The following RB1 variants were observed in gnomAD, a reference collection of about 807,000 sequenced individuals.
RB1 encodes the protein RB transcriptional corepressor 1, also known as retinoblastoma-associated protein.
Under a neutral mutation model 135.4 loss-of-function variants are expected in RB1, and 18 were observed. That is an observed-to-expected ratio of 0.13 (90% CI 0.09 to 0.20). RB1 has a LOEUF of 0.20. RB1 is among the 10% of genes least tolerant of loss of function. The pLI is 1.00. For missense variants in RB1, 868 were observed against 1,110.0 expected (o/e 0.78, Z 3.10); for synonymous variants, 365 against 373.2 (o/e 0.98, Z 0.25).
In RB1 at chr13:48,473,369, A is replaced by G. The variant is rs547398431; in HGVS notation, c.2499A>G (p.Val833=). The G allele has an allele frequency of 1.3e-6, 2 of 1,572,318 alleles. No homozygotes were observed. The highest frequency in any genetic ancestry group is 4.5e-5 in the East Asian group (2 of 44,502). Residue 833 remains valine, a synonymous_variant, in exon 24 of 27, where the codon GTA becomes GTG. Coordinates refer to ENST00000267163, the MANE Select transcript of RB1 (RefSeq NM_000321.3). ...TKMTPRSRIL[V]SIGESFGTSE... is the part of the protein sequence containing the mutation. ...CATCTTAACTTGACAGAATCTTAGTATCAATTGGTGAATCATTCGGGGTGA... is the reference window on the plus strand; with the variant it reads ...CATCTTAACTTGACAGAATCTTAGTGTCAATTGGTGAATCATTCGGGGTGA...
chr13:48,443,894 G>A (rs1949262065), intron 17 of RB1, among the ~76,000 whole-genome samples: 1 of 152,078 alleles, frequency 6.6e-6, no homozygotes, highest in Non-Finnish European at 1.5e-5. Flanking sequence ...AGAACATAGT[G>A]ATGTGTAGGA....
chr13:48,360,139 A>G lies in RB1; in HGVS notation c.718+12A>G, dbSNP rs535040007. The stretch of plus-strand genomic sequence containing the variant: ...CAAAGAACCATATAGTAAGTATTTA[A>G]TTTATGCCCCTTTTACTTTCTCATT... On this transcript the variant is annotated intron_variant, in intron 7 of 26. Coordinates refer to ENST00000267163, the MANE Select transcript of RB1 (RefSeq NM_000321.3). The G allele has an allele frequency of 8.7e-5, 140 of 1,611,992 alleles. 1 individual carries two copies. In the South Asian group the frequency reaches 1.5e-3, roughly 17 times the overall value.
intron 2 of RB1, among the ~76,000 whole-genome samples, chr13:48,315,043 A>AT (rs113924372): frequency 0.04 from 6,016 of 150,544 alleles, 163 homozygotes; most frequent in Non-Finnish European, 0.059. Context: ...TTTAAAATAG[A>AT]TTTTTTTTTT....
chr13:48,319,865 C>A lies in RB1; in HGVS notation c.264+12459C>A. On this transcript the variant is annotated intron_variant, in intron 2 of 26. Transcript: ENST00000267163. This position sits in a 1 kb window ranked among gnomAD's most constrained non-coding sequence, Gnocchi z 5.0. ...CTCGCTCTGACCGGGAAGGCAGAAC[C>A]CTAGTCCTCACTGGATCTCACCTGG... The A allele has an allele frequency of 5.9e-6, 2 of 340,840 alleles. No individual in the cohort carries two copies. Among genetic ancestry groups the A allele is most frequent in the South Asian group, 3.4e-5 (1 of 29,578 alleles). The allele number at this position is 340,840 out of a possible 1,614,324, so 21.1% of individuals were successfully genotyped here.
intron 2 of RB1, among the ~76,000 whole-genome samples, chr13:48,339,203 C>T (rs1013857407): frequency 5.9e-5 from 9 of 152,208 alleles, no homozygotes; most frequent in African/African-American, 2.2e-4. Flanking sequence ...TCAAAGCTGT[C>T]AGACAGGGAC....
chr13:48,413,764 T>C (rs1948859015), intron 17 of RB1, among the ~76,000 whole-genome samples: 1 of 152,178 alleles, frequency 6.6e-6, no homozygotes, highest in Non-Finnish European at 1.5e-5. Flanking sequence ...AAGAACAAAC[T>C]CAAGAATGTT....
intron 2 of RB1, among the ~76,000 whole-genome samples, chr13:48,339,716 C>A (rs1593432600): frequency 6.6e-6 from 1 of 152,312 alleles, no homozygotes; most frequent in South Asian, 2.1e-4. Context: ...GTGAGATGAA[C>A]CTGGTACCTC....
At chr13:48,365,946 T>G (rs1035746720) in intron 9 of RB1, among the ~76,000 whole-genome samples, 3 of 152,114 alleles carry the variant, frequency 2.0e-5, no homozygotes, top group Non-Finnish European at 4.4e-5. Context: ...GCTGATAGGT[T>G]TTGTGGAAAA....
At chr13:48,328,370 T>G in intron 2 of RB1, 1 of 1,545,742 alleles carries the variant, frequency 6.5e-7, no homozygotes, top group Non-Finnish European at 8.9e-7. Context: ...TGGGTGATGC[T>G]TTCTTTGTCG....
chr13:48,412,121 G>A lies in RB1; in HGVS notation c.1695+30678G>A, dbSNP rs527731522. 25 of 1,613,508 alleles carry A rather than the reference G, an allele frequency of 1.5e-5. No individual in the cohort carries two copies. In the East Asian group the frequency reaches 4.0e-4, roughly 26 times the overall value. ...TACAGGTTAAGAACAGAATGCTTCC[G>A]TACATGTTGGTATAAAACAGCATCA... On this transcript the variant is annotated intron_variant, in intron 17 of 26. Coordinates refer to ENST00000267163, the MANE Select transcript of RB1 (RefSeq NM_000321.3).
chr13:48,341,256 A>G (rs1952440303), intron 2 of RB1: 1 of 151,644 alleles, frequency 6.6e-6, no homozygotes, highest in African/African-American at 2.4e-5. Context: ...ATATTAGGAC[A>G]TTTCCTTTTG....
At chr13:48,305,725 C>T (rs1486597804) in intron 1 of RB1, among the ~76,000 whole-genome samples, 18 of 152,192 alleles carry the variant, frequency 1.2e-4, no homozygotes, top group Admixed American at 1.2e-3. Context: ...GTTTCATTAA[C>T]ATAGACAGTT....
At chr13:48,309,409 C>T (rs1373530248) in intron 2 of RB1, among the ~76,000 whole-genome samples, 1 of 152,032 alleles carries the variant, frequency 6.6e-6, no homozygotes, top group Non-Finnish European at 1.5e-5. Context: ...AAGGAGAAAA[C>T]AAGTGTCATG....
In RB1 at chr13:48,473,458, A is replaced by G. The variant is rs181519914; in HGVS notation, c.2520+68A>G. The G allele has an allele frequency of 1.2e-4, 158 of 1,358,244 alleles. No homozygotes were observed. The African/African-American group carries it at 2.0e-3, about 17-fold the overall frequency. The allele number at this position is 1,358,244 out of a possible 1,614,324, so 84.1% of individuals were successfully genotyped here. Reference sequence around the variant, plus strand: ...AGTATAAAAGAAATTAAAGCTTTCTATAATTTGAATTTCCAAATGCAGTTA... The same window carrying G: ...AGTATAAAAGAAATTAAAGCTTTCTGTAATTTGAATTTCCAAATGCAGTTA... On this transcript the variant is annotated intron_variant, in intron 24 of 26. Coordinates refer to ENST00000267163, the MANE Select transcript of RB1 (RefSeq NM_000321.3).
At chr13:48,366,275 C>G (rs1005371143) in intron 9 of RB1, among the ~76,000 whole-genome samples, 2 of 152,022 alleles carry the variant, frequency 1.3e-5, no homozygotes, top group African/African-American at 4.8e-5. Context: ...TAATATAAAT[C>G]TTAAGAGTAA....
At chr13:48,477,304 T>C in intron 25 of RB1, 51 bp from the exon 26 acceptor site, 4 of 1,393,340 alleles carry the variant, frequency 2.9e-6, no homozygotes, top group Non-Finnish European at 3.0e-6. Context: ...GAAATTTGAG[T>C]TTTCCATTTA....
intron 2 of RB1, chr13:48,317,806 CT>C (rs1308256448): frequency 1.1e-5 from 4 of 370,650 alleles, no homozygotes; most frequent in Non-Finnish European, 2.0e-5. Context: ...TGGGACCCCC[CT>C]GGCCCACTGA....
At chr13:48,390,350 C>G (rs1380324166) in intron 17 of RB1, among the ~76,000 whole-genome samples, 3 of 152,098 alleles carry the variant, frequency 2.0e-5, no homozygotes, top group Non-Finnish European at 4.4e-5. Context: ...TTTCTGGAGA[C>G]AGAACATTTC....
At chr13:48,362,759 C>A (rs2138111842) in intron 7 of RB1, 56 bp from the exon 8 acceptor site, 1 of 1,548,428 alleles carries the variant, frequency 6.5e-7, no homozygotes, top group African/African-American at 1.4e-5. Flanking sequence ...TAGAATACTT[C>A]ATTATTTTAT....
Sources: gnomAD v4.1 joint callset for allele counts (sites outside exome capture counted in the v4.1 genomes callset) on GRCh38, gnomAD v4.1.1 for gene constraint, Gnocchi (gnomAD v3.1) non-coding constraint, MANE v1.5 for transcripts, NCBI Gene and HGNC (gene_info 2026-07-23, HGNC 2026-07-21) for gene names.